Variants in ZNF652 observed in about 807,000 individuals in gnomAD.
ZNF652 encodes zinc finger protein 652.
Under a neutral mutation model 45.2 loss-of-function variants are expected in ZNF652, and 16 were observed. The observed-to-expected ratio is 0.35, with a 90% CI of 0.24 to 0.54. The LOEUF is 0.54. ZNF652 is among the 20% of genes least tolerant of loss of function. The probability of loss-of-function intolerance (pLI) is 0.91; values close to 1 mark genes in which losing one functional copy is unlikely to be tolerated. For missense variants in ZNF652, 614 were observed against 765.6 expected (o/e 0.80, Z 2.34); for synonymous variants, 250 against 260.6 (o/e 0.96, Z 0.39).
rs147522359 is a variant in ZNF652, at chr17:49,295,937, C to CAAAAAAAAAAAA, written c.*2464_*2475dup. The CAAAAAAAAAAAA allele has an allele frequency of 2.9e-4, 15 of 51,222 alleles. No homozygotes were observed. The highest frequency in any genetic ancestry group is 3.6e-4 in the Non-Finnish European group (10 of 27,552). The allele number at this position is 51,222 out of a possible 1,614,324, so 3.2% of individuals were successfully genotyped here. A position where few individuals can be genotyped will look rare whatever the true frequency, so the allele number is the denominator to read the frequency against. ...CAGGCAACAGAACAAGACTCTGCCT[C>CAAAAAAAAAAAA]AAAAAAAAAAAAAAAAAAAAAAAAA... On this transcript the variant is annotated 3_prime_UTR_variant, in exon 6 of 6. Transcript: ENST00000430262.
At position 49,294,765 on chromosome 17, in the gene ZNF652, G is replaced by A. The variant is rs1417844594; in HGVS notation, c.*3648C>T. The A allele has an allele frequency of 1.3e-5, 2 of 152,226 alleles. No homozygotes were observed. The highest frequency in any genetic ancestry group is 2.9e-5 in the Non-Finnish European group (2 of 68,016). The allele number at this position is 152,226 out of a possible 1,614,324, so 9.4% of individuals were successfully genotyped here. On this transcript the variant is annotated 3_prime_UTR_variant, in exon 6 of 6. Coordinates refer to ENST00000430262, the MANE Select transcript of ZNF652 (RefSeq NM_001145365.3). ...TTTGAAGACAGTAAAACTAAGTAACGAGAGACAGCCTCAATTTGTTATCTA... is the reference window on the plus strand; with the variant it reads ...TTTGAAGACAGTAAAACTAAGTAACAAGAGACAGCCTCAATTTGTTATCTA...
At chr17:49,332,897 T>C (rs2070039335) in intron 1 of ZNF652, among the ~76,000 whole-genome samples, 1 of 152,020 alleles carries the variant, frequency 6.6e-6, no homozygotes, top group Non-Finnish European at 1.5e-5. Context: ...CAGAAATGAA[T>C]TAACAAAACT....
chr17:49,299,365 C>A (rs2069521257), intron 5 of ZNF652, among the ~76,000 whole-genome samples: 1 of 152,072 alleles, frequency 6.6e-6, no homozygotes, highest in Non-Finnish European at 1.5e-5. Context: ...GCAAGTTAAT[C>A]TGTAAGAAAT....
intron 1 of ZNF652, among the ~76,000 whole-genome samples, chr17:49,351,017 ACACACACACACAC>A (rs1567700320): frequency 6.5e-4 from 13 of 19,848 alleles, no homozygotes; most frequent in African/African-American, 9.1e-4. Context: ...ATATATATAC[ACACACACACACAC>A]ACACACACAC....
At chr17:49,307,101 T>C (rs73342367) in intron 5 of ZNF652, among the ~76,000 whole-genome samples, 1,979 of 152,036 alleles carry the variant, frequency 0.013, 39 homozygotes, top group African/African-American at 0.046. Context: ...ATAACATAAA[T>C]GTCTAGCAGG....
intron 1 of ZNF652, among the ~76,000 whole-genome samples, chr17:49,355,752 T>C (rs553605850): frequency 2.0e-5 from 3 of 151,484 alleles, no homozygotes; most frequent in African/African-American, 4.8e-5. Flanking sequence ...ACAAAAATTA[T>C]CTGGGCATGG....
intron 1 of ZNF652, among the ~76,000 whole-genome samples, chr17:49,340,324 G>C (rs1345754633): frequency 6.6e-6 from 1 of 152,064 alleles, no homozygotes; most frequent in Non-Finnish European, 1.5e-5. Flanking sequence ...GGGAGGCCCA[G>C]GCGGGTGGAT....
At chr17:49,336,444 C>T (rs2070082806) in intron 1 of ZNF652, among the ~76,000 whole-genome samples, 2 of 151,358 alleles carry the variant, frequency 1.3e-5, no homozygotes, top group Admixed American at 6.6e-5. Flanking sequence ...ATTCTCCTGC[C>T]TCAGCCTCAC....
At chr17:49,337,779 C>T (rs990699639) in intron 1 of ZNF652, among the ~76,000 whole-genome samples, 2 of 152,098 alleles carry the variant, frequency 1.3e-5, no homozygotes, top group East Asian at 1.9e-4. Flanking sequence ...TGGGTTTATA[C>T]ACTAAGCGCT....
chr17:49,324,643 G>T (rs1214033114), intron 1 of ZNF652, among the ~76,000 whole-genome samples: 1 of 151,464 alleles, frequency 6.6e-6, no homozygotes, highest in African/African-American at 2.4e-5. Flanking sequence ...GCCCACTTTG[G>T]ACTCCCAAAG....
At chr17:49,301,420 T>A (rs1230923844) in intron 5 of ZNF652, among the ~76,000 whole-genome samples, 1 of 152,078 alleles carries the variant, frequency 6.6e-6, no homozygotes, top group Non-Finnish European at 1.5e-5. Context: ...GCCTCAGCCT[T>A]CAGAGTAGCT....
intron 1 of ZNF652, among the ~76,000 whole-genome samples, chr17:49,359,597 T>C (rs1472155770): frequency 6.6e-6 from 1 of 152,130 alleles, no homozygotes; most frequent in Non-Finnish European, 1.5e-5. Flanking sequence ...ATTCCAACAC[T>C]ATCACAAGCT....
chr17:49,339,813 C>T (rs764304245), intron 1 of ZNF652, among the ~76,000 whole-genome samples: 4 of 152,306 alleles, frequency 2.6e-5, no homozygotes, highest in East Asian at 1.9e-4. Flanking sequence ...CAAACGATCG[C>T]GAAGGCCGAT....
intron 1 of ZNF652, among the ~76,000 whole-genome samples, chr17:49,328,803 T>C (rs1337667660): frequency 1.3e-5 from 2 of 152,212 alleles, no homozygotes; most frequent in Non-Finnish European, 2.9e-5. Context: ...TATTCCTTTA[T>C]AGCAATGCAA....
At position 49,292,026 on chromosome 17, in the gene ZNF652, C is replaced by T. The variant is rs908672065; in HGVS notation, c.*6387G>A. 1.3e-5 allele frequency among the ~76,000 whole-genome samples: 2 copies of T among 152,124 alleles called. No homozygotes were observed. The highest frequency in any genetic ancestry group is 4.8e-5 in the African/African-American group (2 of 41,436). On this transcript the variant is annotated 3_prime_UTR_variant, in exon 6 of 6. Transcript: ENST00000430262. ...ACAGGAAAGATGGAGAATGTATTAACAGCTGCCTTCTTAGATACCCACCTT... is the reference window on the plus strand; with the variant it reads ...ACAGGAAAGATGGAGAATGTATTAATAGCTGCCTTCTTAGATACCCACCTT...
rs182714417 is a variant in ZNF652, at chr17:49,336,999, T to A, written c.-258-19016A>T. On this transcript the variant is annotated intron_variant, in intron 1 of 5. Transcript: ENST00000430262. ...AAGTCACAGGTTGAGTGAAATAAAA[T>A]CTGGTAACAATGCCACAACTGTTAC... 2.7e-4 allele frequency among the ~76,000 whole-genome samples: 38 copies of A among 140,982 alleles called. No homozygotes were observed. The East Asian group carries it at 7.2e-3, about 27-fold the overall frequency. 92.5% of individuals were successfully genotyped at this position (140,982 alleles called of 152,430 possible). A position where few individuals can be genotyped will look rare whatever the true frequency, so the allele number is the denominator to read the frequency against.
intron 2 of ZNF652, among the ~76,000 whole-genome samples, chr17:49,315,276 C>T (rs2069785579): frequency 6.7e-6 from 1 of 149,870 alleles, no homozygotes; most frequent in Non-Finnish European, 1.5e-5. Flanking sequence ...CCTGACCTCA[C>T]GTGATCCACC....
intron 5 of ZNF652, 138 bp downstream of exon 5, chr17:49,311,173 TA>T: frequency 1.2e-6 from 1 of 833,474 alleles, no homozygotes; most frequent in South Asian, 2.0e-5. Context: ...TCTATATTTT[TA>T]CATATTAGGT....
chr17:49,354,625 A>AAC (rs1555553193), intron 1 of ZNF652, among the ~76,000 whole-genome samples: 1 of 151,144 alleles, frequency 6.6e-6, no homozygotes, highest in Non-Finnish European at 1.5e-5. Flanking sequence ...AAAAAAAACA[A>AAC]AAAAACAAAA....
Sources: gnomAD v4.1 joint callset for allele counts (sites outside exome capture counted in the v4.1 genomes callset) on GRCh38, gnomAD v4.1.1 for gene constraint, MANE v1.5 for transcripts, NCBI Gene and HGNC (gene_info 2026-07-23, HGNC 2026-07-21) for gene names.